The following TFDP2 variants were observed in gnomAD, a reference collection of about 807,000 sequenced individuals.
TFDP2 encodes the protein transcription factor Dp-2.
A neutral mutation model predicts 59.3 loss-of-function variants in TFDP2; 17 were observed. That is an observed-to-expected ratio of 0.29 (90% CI 0.20 to 0.43). The LOEUF (loss-of-function observed/expected upper bound fraction) is 0.43, where lower values mean the gene tolerates loss of function less well. TFDP2 is among the 20% of genes least tolerant of loss of function. The pLI is 1.00. For missense variants in TFDP2, 391 were observed against 528.8 expected (o/e 0.74, Z 2.56); for synonymous variants, 180 against 194.7 (o/e 0.92, Z 0.63).
At chr3:142,071,254 T>G (rs891304768) in intron 3 of TFDP2, among the ~76,000 whole-genome samples, 2 of 152,008 alleles carry the variant, frequency 1.3e-5, no homozygotes, top group African/African-American at 2.4e-5. Context: ...CCTCCTGGGT[T>G]CAAGCGATTC....
intron 3 of TFDP2, among the ~76,000 whole-genome samples, chr3:142,053,509 A>T (rs867504718): frequency 1.3e-5 from 2 of 152,182 alleles, no homozygotes; most frequent in Non-Finnish European, 2.9e-5. Context: ...AGCCAAAATA[A>T]ACTTCTTTTC....
intron 1 of TFDP2, chr3:142,126,242 G>A (rs1039637569): frequency 2.7e-5 from 4 of 148,436 alleles, no homozygotes; most frequent in African/African-American, 5.0e-5. Context: ...GAAGTGGCAC[G>A]ATCTTGGCTC....
chr3:142,039,365 T>C (rs932547408), intron 3 of TFDP2, among the ~76,000 whole-genome samples: 1 of 152,220 alleles, frequency 6.6e-6, no homozygotes, highest in African/African-American at 2.4e-5. Flanking sequence ...GTTTTGTTCC[T>C]GATGACCTTG....
At chr3:141,971,365 C>A (rs1441145419) in intron 8 of TFDP2, among the ~76,000 whole-genome samples, 1 of 135,070 alleles carries the variant, frequency 7.4e-6, no homozygotes, top group African/African-American at 2.9e-5. Context: ...GGTGAAACCT[C>A]GTCTCTACTA....
chr3:142,042,969 C>CG (rs1373845208), intron 3 of TFDP2, among the ~76,000 whole-genome samples: 2 of 151,406 alleles, frequency 1.3e-5, no homozygotes, highest in Admixed American at 1.3e-4. Context: ...CTCGAACTCC[C>CG]GACCTCAGGT....
chr3:142,001,796 T>C (rs1420477094), intron 4 of TFDP2, among the ~76,000 whole-genome samples: 1 of 152,180 alleles, frequency 6.6e-6, no homozygotes. Flanking sequence ...GGCTCCTAAG[T>C]TCCTCCTTCC....
At chr3:142,081,205 T>C (rs1013241679) in intron 3 of TFDP2, among the ~76,000 whole-genome samples, 1 of 152,028 alleles carries the variant, frequency 6.6e-6, no homozygotes, top group Non-Finnish European at 1.5e-5. Context: ...TACAAAGATA[T>C]GGAAACTGAA....
intron 3 of TFDP2, among the ~76,000 whole-genome samples, chr3:142,021,608 A>G (rs892532288): frequency 2.6e-5 from 4 of 152,218 alleles, no homozygotes; most frequent in Non-Finnish European, 5.9e-5. Context: ...GACACTTTCT[A>G]AAAACGATTA....
At chr3:142,010,172 A>G (rs1249253831) in intron 3 of TFDP2, among the ~76,000 whole-genome samples, 4 of 152,062 alleles carry the variant, frequency 2.6e-5, no homozygotes, top group East Asian at 1.9e-4. Context: ...TTTGATTACC[A>G]TTCTTAAAAA....
chr3:142,085,110 A>ATTTTATATTTTATATAAAC (rs1560127158), intron 3 of TFDP2, among the ~76,000 whole-genome samples: 11 of 152,190 alleles, frequency 7.2e-5, no homozygotes, highest in African/African-American at 2.6e-4. Context: ...TAGTAGAGAC[A>ATTTTATATTTTATATAAAC]GGGTTTCACC....
chr3:142,109,579 C>T (rs1232323442), intron 1 of TFDP2, among the ~76,000 whole-genome samples: 2 of 152,146 alleles, frequency 1.3e-5, no homozygotes, highest in African/African-American at 4.8e-5. Context: ...CCGCCCGCCT[C>T]GGCCTCCCAA....
At chr3:142,012,015 C>CTTTTTTTTTTTTTT (rs1248723479) in intron 3 of TFDP2, among the ~76,000 whole-genome samples, 1 of 138,240 alleles carries the variant, frequency 7.2e-6, no homozygotes. Flanking sequence ...TTCTTTCTTT[C>CTTTTTTTTTTTTTT]TTTTTTTTTT....
At chr3:142,103,899 GT>G (rs138358817) in intron 1 of TFDP2, among the ~76,000 whole-genome samples, 12,927 of 150,744 alleles carry the variant, frequency 0.086, 687 homozygotes, top group Middle Eastern at 0.14. Context: ...TTTTTTTTCT[GT>G]TTTTTTCATG....
intron 3 of TFDP2, among the ~76,000 whole-genome samples, chr3:142,013,433 C>T (rs755851578): frequency 5.9e-5 from 9 of 152,132 alleles, no homozygotes; most frequent in Non-Finnish European, 5.9e-5. Context: ...ACCAAAATTC[C>T]AGCCAGGCTG....
chr3:142,030,124 T>G (rs981175289), intron 3 of TFDP2, among the ~76,000 whole-genome samples: 1 of 152,264 alleles, frequency 6.6e-6, no homozygotes, highest in African/African-American at 2.4e-5. Context: ...TCAGAGAGCT[T>G]CTTCTTACTC....
chr3:142,076,990 T>C (rs1193802814), intron 3 of TFDP2, among the ~76,000 whole-genome samples: 1 of 152,116 alleles, frequency 6.6e-6, no homozygotes, highest in South Asian at 2.1e-4. Context: ...ACCCCTTCCC[T>C]ATCCCCTGGC....
At chr3:142,041,136 T>G (rs979244542) in intron 3 of TFDP2, among the ~76,000 whole-genome samples, 4 of 152,216 alleles carry the variant, frequency 2.6e-5, no homozygotes, top group African/African-American at 9.6e-5. Flanking sequence ...ACCCCTGAAC[T>G]TGCAACTGAT....
chr3:142,089,419 T>C (rs2060927336), intron 3 of TFDP2, among the ~76,000 whole-genome samples: 1 of 151,994 alleles, frequency 6.6e-6, no homozygotes, highest in Non-Finnish European at 1.5e-5. Flanking sequence ...AGGAAAAAAA[T>C]GAACCTAACT....
chr3:142,069,299 TC>T (rs2060167433), intron 3 of TFDP2, among the ~76,000 whole-genome samples: 1 of 152,212 alleles, frequency 6.6e-6, no homozygotes, highest in Non-Finnish European at 1.5e-5. Flanking sequence ...TGCATAGCAT[TC>T]CATTATATGT....
Sources: gnomAD v4.1 joint callset for allele counts (sites outside exome capture counted in the v4.1 genomes callset) on GRCh38, gnomAD v4.1.1 for gene constraint, MANE v1.5 for transcripts, NCBI Gene and HGNC (gene_info 2026-07-23, HGNC 2026-07-21) for gene names.